The following ELP3 variants were observed in gnomAD, a reference collection of about 807,000 sequenced individuals.
The protein encoded by ELP3 is elongator acetyltransferase complex subunit 3.
A neutral mutation model predicts 74.9 loss-of-function variants in ELP3; 56 were observed. That is an observed-to-expected ratio of 0.75 (90% confidence interval 0.60 to 0.93). The LOEUF (loss-of-function observed/expected upper bound fraction) is 0.93. Among genes scored for constraint, ELP3 ranks in the 40% least tolerant of loss-of-function variants. The pLI is 0.00. For missense variants in ELP3, 573 were observed against 686.5 expected, an observed-to-expected ratio of 0.83 and a Z score of 1.85; for synonymous variants, 222 against 239.8, an observed-to-expected ratio of 0.93 and a Z score of 0.68.
At chr8:28,112,793 T>G in intron 6 of ELP3, 1 of 338,404 alleles carries the variant, frequency 3.0e-6, no homozygotes. Flanking sequence ...AAGCCTCTTA[T>G]TTGTTATTTT....
chr8:28,108,941 G>A (rs928526209), intron 5 of ELP3, among the ~76,000 whole-genome samples: 7 of 151,998 alleles, frequency 4.6e-5, no homozygotes, highest in African/African-American at 1.7e-4. Flanking sequence ...ATGACAAGAA[G>A]GACCTAGTCC....
chr8:28,102,186 C>T (rs1350447166), intron 3 of ELP3, among the ~76,000 whole-genome samples: 2 of 152,118 alleles, frequency 1.3e-5, no homozygotes, highest in Non-Finnish European at 2.9e-5. Flanking sequence ...TGAACCATTC[C>T]CTGAGCTTCA....
At chr8:28,104,834 A>C (rs1811623788) in intron 3 of ELP3, among the ~76,000 whole-genome samples, 2 of 152,210 alleles carry the variant, frequency 1.3e-5, no homozygotes, top group Non-Finnish European at 2.9e-5. Context: ...CTTTGTATTA[A>C]GAAGTGTTGT....
At chr8:28,142,864 A>T (rs890098468) in intron 10 of ELP3, among the ~76,000 whole-genome samples, 2 of 148,368 alleles carry the variant, frequency 1.3e-5, no homozygotes, top group African/African-American at 2.5e-5. Context: ...GTTAGAATTC[A>T]TTTTTTTTTT....
At chr8:28,186,162 T>C (rs1815232623) in intron 14 of ELP3, among the ~76,000 whole-genome samples, 1 of 151,702 alleles carries the variant, frequency 6.6e-6, no homozygotes, top group South Asian at 2.1e-4. Context: ...AGAACGGGGG[T>C]TGTCAGGGGC....
intron 3 of ELP3, among the ~76,000 whole-genome samples, chr8:28,101,508 C>G (rs993841582): frequency 1.8e-4 from 27 of 152,240 alleles, no homozygotes; most frequent in Admixed American, 5.2e-4. Context: ...CCATTTTTAA[C>G]TCTTAGCCAA....
chr8:28,148,434 TCACTGAGACAGGG>T (rs957990555), intron 10 of ELP3, among the ~76,000 whole-genome samples: 49 of 152,326 alleles, frequency 3.2e-4, no homozygotes, highest in African/African-American at 1.2e-3. Context: ...CCTATATTAT[TCACTGAGACAGGG>T]CATCATTTCT....
intron 14 of ELP3, among the ~76,000 whole-genome samples, chr8:28,171,372 A>G (rs918402788): frequency 3.3e-5 from 5 of 151,192 alleles, no homozygotes; most frequent in African/African-American, 9.8e-5. Context: ...TTTTATAGCC[A>G]TCCTAGTGGT....
chr8:28,189,184 T>C (rs1815357930), intron 14 of ELP3, among the ~76,000 whole-genome samples: 1 of 152,208 alleles, frequency 6.6e-6, no homozygotes. Flanking sequence ...TGGGGCTGAG[T>C]GGAGATCCCA....
At position 28,110,170 on chromosome 8, in the gene ELP3, A is replaced by AT. The variant is rs1563251572; in HGVS notation, c.394-199dup. 2.0e-5 allele frequency among the ~76,000 whole-genome samples: 3 copies of AT among 152,344 alleles called. No individual in the cohort carries two copies. The East Asian group carries it at 5.8e-4, about 29-fold the overall frequency. ...GAGACACCCTGCTGTTGAGGTGTTT[A>AT]TGACAGCGTGAGTGGACACCTGCCA... On this transcript the variant is annotated intron_variant, in intron 5 of 14. Transcript: ENST00000256398.
upstream of ELP3, chr8:28,093,084 G>A: frequency 1.4e-6 from 2 of 1,474,910 alleles, no homozygotes; most frequent in Non-Finnish European, 1.9e-6. Context: ...TCGGCTTCCG[G>A]GAAGAGCTTT....
intron 14 of ELP3, among the ~76,000 whole-genome samples, chr8:28,181,017 C>G (rs1004750116): frequency 2.6e-5 from 4 of 152,162 alleles, no homozygotes; most frequent in African/African-American, 9.7e-5. Context: ...ACACTGCCCC[C>G]ACGCCCCCAG....
intron 14 of ELP3, among the ~76,000 whole-genome samples, chr8:28,188,390 TGGTGGGCTCCTG>T (rs1815326082): frequency 6.6e-6 from 1 of 151,926 alleles, no homozygotes; most frequent in East Asian, 1.9e-4. Flanking sequence ...TGGTGACTCT[TGGTGGGCTCCTG>T]GGTGGGGACC....
At chr8:28,109,748 T>C (rs971559457) in intron 5 of ELP3, among the ~76,000 whole-genome samples, 3 of 152,202 alleles carry the variant, frequency 2.0e-5, no homozygotes, top group African/African-American at 7.2e-5. Flanking sequence ...TGTTAAGTAC[T>C]ATGTGTGGAA....
intron 3 of ELP3, among the ~76,000 whole-genome samples, chr8:28,101,657 T>A (rs1811494621): frequency 6.6e-6 from 1 of 151,994 alleles, no homozygotes; most frequent in Non-Finnish European, 1.5e-5. Flanking sequence ...TGGTACGATC[T>A]TGGCTCACTG....
At chr8:28,093,507 C>T (rs1363628939) in intron 1 of ELP3, 2 of 545,012 alleles carry the variant, frequency 3.7e-6, no homozygotes, top group African/African-American at 3.8e-5. Flanking sequence ...ATATGCCCTC[C>T]GAGGAGTTAA....
At chr8:28,154,479 T>C (rs149043723) in intron 10 of ELP3, among the ~76,000 whole-genome samples, 1,660 of 152,318 alleles carry the variant, frequency 0.011, 14 homozygotes, top group Non-Finnish European at 0.018. Flanking sequence ...ATATTTCTTA[T>C]ATGTGTATAT....
intron 9 of ELP3, among the ~76,000 whole-genome samples, chr8:28,136,600 G>T (rs80142022): frequency 3.3e-4 from 50 of 152,306 alleles, no homozygotes; most frequent in African/African-American, 1.2e-3. Flanking sequence ...AGTACATAAA[G>T]AATACAGCAT....
chr8:28,160,791 TTCAAGTGA>T, intron 13 of ELP3, among the ~76,000 whole-genome samples: 1 of 38,528 alleles, frequency 2.6e-5, no homozygotes, highest in Non-Finnish European at 4.6e-5. Flanking sequence ...GCCTCCCTGG[TTCAAGTGA>T]TTCTCCTGCC....
Sources: gnomAD v4.1 joint callset for allele counts (sites outside exome capture counted in the v4.1 genomes callset) on GRCh38, gnomAD v4.1.1 for gene constraint, MANE v1.5 for transcripts, NCBI Gene and HGNC (gene_info 2026-07-23, HGNC 2026-07-21) for gene names.